Variants in RNF14 observed in about 807,000 individuals in gnomAD.
RNF14 encodes the protein E3 ubiquitin-protein ligase RNF14.
A neutral mutation model predicts 52.6 loss-of-function variants in RNF14; 26 were observed. The observed-to-expected ratio is 0.49, with a 90% CI of 0.36 to 0.69. RNF14 has a LOEUF of 0.69. Ranked by LOEUF, RNF14 falls within the 30% of genes least tolerant of loss-of-function variation. The pLI is 0.00. For synonymous variants in RNF14, 194 were observed against 202.0 expected (o/e 0.96, Z 0.34); for missense variants, 404 against 560.4 (o/e 0.72, Z 2.82).
At chr5:141,959,838 G>A (rs980411442) in intron 1 of RNF14, among the ~76,000 whole-genome samples, 20 of 152,262 alleles carry the variant, frequency 1.3e-4, no homozygotes, top group Non-Finnish European at 8.8e-5. Context: ...CTGAGACACT[G>A]CACAAGGGAC....
chr5:141,962,173 G>A (rs1173100156), upstream of RNF14, among the ~76,000 whole-genome samples: 2 of 152,220 alleles, frequency 1.3e-5, no homozygotes, highest in African/African-American at 4.8e-5. Context: ...GGCACTTTGT[G>A]GACTTTGTTG....
chr5:141,955,337 G>C, upstream of RNF14: 2 of 1,614,164 alleles, frequency 1.2e-6, no homozygotes, highest in South Asian at 1.1e-5. This position sits in a 1 kb window ranked among gnomAD's most constrained non-coding sequence, Gnocchi z 5.5. Flanking sequence ...AGCACCTCTC[G>C]GCTCTCCGCC....
intron 1 of RNF14, among the ~76,000 whole-genome samples, chr5:141,970,011 A>G (rs1753601210): frequency 6.6e-6 from 1 of 152,238 alleles, no homozygotes; most frequent in African/African-American, 2.4e-5. Context: ...TAGGTGCTCA[A>G]TTAATGTAAA....
chr5:141,958,696 T>A (rs556831079), intron 1 of RNF14: 28 of 152,424 alleles, frequency 1.8e-4, no homozygotes, highest in African/African-American at 6.3e-4. Context: ...ATTCTGACTT[T>A]GCAACTTACC....
Position 141,989,768 on chromosome 5 carries a change from A to G in RNF14, c.*1978A>G, listed in dbSNP as rs1755495862. ...AATGGAAATTAAAATGATTTGTTCT[A>G]CAGTATATACCTGAGAAGAGTGATT... On this transcript the variant is annotated 3_prime_UTR_variant, in exon 9 of 9. Transcript: ENST00000394520. The G allele has an allele frequency of 6.6e-6, 1 of 152,128 alleles. No individual in the cohort carries two copies. The highest frequency in any genetic ancestry group is 1.9e-4 in the East Asian group (1 of 5,196). The allele number at this position is 152,128 out of a possible 1,614,324, so 9.4% of individuals were successfully genotyped here. A position where few individuals can be genotyped will look rare whatever the true frequency, so the allele number is the denominator to read the frequency against.
the RNF14 span, chr5:141,949,422 G>T: frequency 6.2e-7 from 1 of 1,609,120 alleles, no homozygotes. Flanking sequence ...TAACTCCAGG[G>T]GGTCCCTACC....
upstream of RNF14, chr5:141,957,883 C>A (rs778811578): frequency 8.9e-6 from 14 of 1,574,256 alleles, no homozygotes; most frequent in African/African-American, 2.7e-5. This position sits in a 1 kb window ranked among gnomAD's most constrained non-coding sequence, Gnocchi z 4.3. Context: ...ATTCAGAAAC[C>A]ACTAGAGTTC....
intron 8 of RNF14, 109 bp downstream of exon 8, chr5:141,985,042 C>A: frequency 9.8e-7 from 1 of 1,018,236 alleles, no homozygotes; most frequent in Non-Finnish European, 1.5e-6. Flanking sequence ...AGAGAATTCT[C>A]TTACATGTTT....
At chr5:141,973,508 G>T (rs1042936758) in intron 2 of RNF14, 75 bp from the exon 3 acceptor site, 73 of 1,308,504 alleles carry the variant, frequency 5.6e-5, no homozygotes, top group Admixed American at 1.1e-4. Flanking sequence ...AAAGTGTTGG[G>T]ATTACAGGTG....
At chr5:141,949,411 G>T in the RNF14 span, 3 of 1,602,988 alleles carry the variant, frequency 1.9e-6, no homozygotes, top group African/African-American at 4.0e-5. Flanking sequence ...CAGGGTCAAG[G>T]TAACTCCAGG....
chr5:141,952,053 A>T, the RNF14 span, among the ~76,000 whole-genome samples: 1 of 152,238 alleles, frequency 6.6e-6, no homozygotes, highest in Non-Finnish European at 1.5e-5. Flanking sequence ...TCATTGAATT[A>T]TTCATTTATT....
chr5:141,983,542 C>T lies in RNF14; in HGVS notation c.1226C>T (p.Thr409Ile). The stretch of plus-strand genomic sequence containing the variant: ...TCAAAGAGCTGCCCATGTTGTGGAA[C>T]TCCCATAGAGGTAAATGTTTTGGGA... ...KNSKSCPCCG[T>I]PIEKLDGCNK... The change falls in exon 7 of 9, where the codon ACT (threonine) becomes ATT (isoleucine). Residue 409 changes from threonine (T) to isoleucine (I), a missense_variant. Thr to Ile is a moderately conservative substitution (Grantham distance 89, BLOSUM62 -1). Coordinates refer to ENST00000394520, the MANE Select transcript of RNF14 (RefSeq NM_004290.5). 6.2e-7 allele frequency: 1 copy of T among 1,610,944 alleles called. No individual in the cohort carries two copies. The highest frequency in any genetic ancestry group is 8.5e-7 in the Non-Finnish European group (1 of 1,179,598).
intron 8 of RNF14, among the ~76,000 whole-genome samples, chr5:141,985,774 C>T (rs936414103): frequency 2.0e-5 from 3 of 152,120 alleles, no homozygotes; most frequent in African/African-American, 7.2e-5. Context: ...AGGATGGTCT[C>T]GATCTCCTGA....
the RNF14 span, among the ~76,000 whole-genome samples, chr5:141,950,496 C>T: frequency 6.6e-6 from 1 of 152,162 alleles, no homozygotes; most frequent in Non-Finnish European, 1.5e-5. Context: ...TTCAAACCTT[C>T]CACACCTGTA....
intron 1 of RNF14, among the ~76,000 whole-genome samples, chr5:141,959,975 T>C (rs1481507889): frequency 6.6e-6 from 1 of 152,184 alleles, no homozygotes; most frequent in Non-Finnish European, 1.5e-5. Context: ...GATTTTGCTG[T>C]TTATTATCTT....
chr5:141,974,420 T>C (rs1754064969), intron 3 of RNF14, among the ~76,000 whole-genome samples: 1 of 152,228 alleles, frequency 6.6e-6, no homozygotes, highest in African/African-American at 2.4e-5. Context: ...CATGCTGGTC[T>C]AAGTAGGTCA....
chr5:141,973,448 G>C (rs969349154), intron 2 of RNF14, 135 bp from the exon 3 acceptor site: 3 of 536,342 alleles, frequency 5.6e-6, no homozygotes, highest in Non-Finnish European at 6.3e-6. Context: ...ATGTTGGCCA[G>C]GCTAGTCTTG....
chr5:141,971,195 T>C (rs1376719395), intron 2 of RNF14, among the ~76,000 whole-genome samples: 1 of 152,266 alleles, frequency 6.6e-6, no homozygotes, highest in Non-Finnish European at 1.5e-5. Context: ...ATTTAAATTA[T>C]CTGAAATTGC....
chr5:141,957,728 A>T, upstream of RNF14: 1 of 1,613,990 alleles, frequency 6.2e-7, no homozygotes, highest in South Asian at 1.1e-5. This position sits in a 1 kb window ranked among gnomAD's most constrained non-coding sequence, Gnocchi z 4.3. Flanking sequence ...ACTGTACCAG[A>T]TGGCACTTCC....
Sources: allele counts gnomAD v4.1 joint callset (sites outside exome capture counted in the v4.1 genomes callset), GRCh38; gene constraint gnomAD v4.1.1; non-coding constraint Gnocchi (gnomAD v3.1); transcripts MANE v1.5; gene names NCBI Gene and HGNC (gene_info 2026-07-23, HGNC 2026-07-21).